The following PPP1R21 variants were observed in gnomAD, a reference collection of about 807,000 sequenced individuals.
The protein encoded by PPP1R21 is KLRAQ motif containing 1.
Under a neutral mutation model 112.8 loss-of-function variants are expected in PPP1R21, and 85 were observed. The ratio of observed to expected loss-of-function variants is 0.75; its 90% CI spans 0.63 to 0.90. PPP1R21 has a LOEUF of 0.90. Ranked by LOEUF, PPP1R21 falls within the 40% of genes least tolerant of loss-of-function variation. The pLI is 0.00. For synonymous variants in PPP1R21, 381 were observed against 322.3 expected, an observed-to-expected ratio of 1.18 and a Z score of -1.95; for missense variants, 1,199 against 901.5, an observed-to-expected ratio of 1.33 and a Z score of -4.23.
chr2:48,509,290 AAC>A (rs1670525744), intron 19 of PPP1R21, among the ~76,000 whole-genome samples: 1 of 152,002 alleles, frequency 6.6e-6, no homozygotes, highest in Admixed American at 6.6e-5. Context: ...AAGGACTTAA[AAC>A]ACAAGAAAAG....
In PPP1R21 at chr2:48,447,445, GCT is replaced by G. The variant is rs529485231; in HGVS notation, c.58-3560_58-3559del. On this transcript the variant is annotated intron_variant, in intron 1 of 21. Transcript: ENST00000294952. ...CTTGGTGCACAGCTGTTGAAAATAAGCTCTATCATCTGCAGGAGAGTTTTTCT... is the reference window on the plus strand; with the variant it reads ...CTTGGTGCACAGCTGTTGAAAATAAGCTATCATCTGCAGGAGAGTTTTTCT... Among the ~76,000 whole-genome samples the G allele has an allele frequency of 8.1e-4, 124 of 152,284 alleles. 1 individual carries two copies. The highest frequency in any genetic ancestry group is 2.9e-3 in the African/African-American group (121 of 41,558).
rs147173098 is a variant in PPP1R21, at chr2:48,509,238, G to C, written c.2086-777G>C. ...AAGTAGCGCATAATCTGTAGGGTAG[G>C]ATGGTAAAGCTTTTATTGCTCCTAT... On this transcript the variant is annotated intron_variant, in intron 19 of 21. Coordinates refer to ENST00000294952, the MANE Select transcript of PPP1R21 (RefSeq NM_001135629.3). Among the ~76,000 whole-genome samples the C allele has an allele frequency of 1.6e-3, 248 of 152,210 alleles. 1 individual carries two copies. Among genetic ancestry groups the C allele is most frequent in the Non-Finnish European group, 2.9e-3 (194 of 68,016 alleles).
At chr2:48,504,307 G>A (rs965908749) in intron 17 of PPP1R21, among the ~76,000 whole-genome samples, 2 of 152,170 alleles carry the variant, frequency 1.3e-5, no homozygotes, top group Non-Finnish European at 2.9e-5. Flanking sequence ...TACTCTCAGT[G>A]TTCAGAACAA....
At chr2:48,510,250 T>A in intron 20 of PPP1R21, 137 bp downstream of exon 20, 1 of 566,470 alleles carries the variant, frequency 1.8e-6, no homozygotes, top group Non-Finnish European at 3.1e-6. Context: ...CTGATTCATT[T>A]AAAAATAACA....
intron 12 of PPP1R21, 129 bp from the exon 13 acceptor site, chr2:48,479,795 G>A (rs1045700606): frequency 2.5e-5 from 17 of 680,422 alleles, no homozygotes; most frequent in South Asian, 3.4e-5. Context: ...TATCTGCCAC[G>A]ATTTTAAGAG....
intron 5 of PPP1R21, 50 bp from the exon 6 acceptor site, chr2:48,460,045 T>C: frequency 6.2e-7 from 1 of 1,608,698 alleles, no homozygotes; most frequent in Non-Finnish European, 8.5e-7. Context: ...AGTGTGCTCC[T>C]ATCTGTCGTA....
At chr2:48,504,234 CTTATCAAAGACTCTTTT>C (rs1355865008) in intron 17 of PPP1R21, among the ~76,000 whole-genome samples, 2 of 152,092 alleles carry the variant, frequency 1.3e-5, no homozygotes, top group African/African-American at 4.8e-5. Context: ...TTTAAAAGTT[CTTATCAAAGACTCTTTT>C]ACAGCCAGGT....
chr2:48,480,036 G>A lies in PPP1R21; in HGVS notation c.1318+20G>A, dbSNP rs555019943. On this transcript the variant is annotated intron_variant, in intron 13 of 21. Coordinates refer to ENST00000294952, the MANE Select transcript of PPP1R21 (RefSeq NM_001135629.3). ...TGAAAGGTAGGCCTTGAAAAAGAAC[G>A]TAAGCTTAAAACCTTTGCCCCACTT... The A allele has an allele frequency of 3.5e-5, 53 of 1,529,780 alleles. No homozygotes were observed. The highest frequency in any genetic ancestry group is 6.8e-5 in the African/African-American group (5 of 73,372). The allele number at this position is 1,529,780 out of a possible 1,614,324, so 94.8% of individuals were successfully genotyped here. A position where few individuals can be genotyped will look rare whatever the true frequency, so the allele number is the denominator to read the frequency against.
chr2:48,464,282 C>T (rs1465409422), intron 7 of PPP1R21, among the ~76,000 whole-genome samples: 1 of 152,084 alleles, frequency 6.6e-6, no homozygotes, highest in Non-Finnish European at 1.5e-5. Context: ...TATTTTGGCA[C>T]TGGGGTCATT....
Position 48,459,926 on chromosome 2 carries a change from C to G in PPP1R21, c.540+8C>G. ...GACAAGGCTAAACTAGAAGTAAGCC[C>G]CATTGTGAGAGCACACTAAAAAATA... On this transcript the variant is annotated splice_region_variant and intron_variant, in intron 5 of 21. Coordinates refer to ENST00000294952, the MANE Select transcript of PPP1R21 (RefSeq NM_001135629.3). The G allele has an allele frequency of 3.1e-6, 5 of 1,611,188 alleles. No homozygotes were observed. The highest frequency in any genetic ancestry group is 1.7e-4 in the Middle Eastern group (1 of 6,042).
At chr2:48,466,766 G>T (rs994477767) in intron 9 of PPP1R21, among the ~76,000 whole-genome samples, 1 of 152,172 alleles carries the variant, frequency 6.6e-6, no homozygotes, top group Non-Finnish European at 1.5e-5. Context: ...AGCATAGGGA[G>T]TGTGGGGGTT....
intron 4 of PPP1R21, 28 bp from the exon 5 acceptor site, chr2:48,459,726 A>G: frequency 6.2e-7 from 1 of 1,602,456 alleles, no homozygotes; most frequent in South Asian, 1.1e-5. Context: ...GGATATTGTG[A>G]GAAGAGAAAA....
At chr2:48,471,953 A>T (rs113027438) in intron 11 of PPP1R21, among the ~76,000 whole-genome samples, 1 of 152,148 alleles carries the variant, frequency 6.6e-6, no homozygotes, top group Non-Finnish European at 1.5e-5. Flanking sequence ...TTTTAAAAAA[A>T]TCAAGGCCGG....
In PPP1R21 at chr2:48,451,016, T is replaced by C. The variant is rs1193911150; in HGVS notation, c.66T>C (p.Ala22=). ...KLAQEYSKLR[A]QNQVLKKGVV... ...GCTTTCTCTGTTTTCAGCTTCGGGC[T>C]CAGAATCAGGTTCTGAAAAAAGGTG... Residue 22 remains alanine, a synonymous_variant, in exon 2 of 22, where the codon GCT becomes GCC. Transcript: ENST00000294952. 2 of 1,613,526 alleles carry C rather than the reference T, an allele frequency of 1.2e-6. No individual in the cohort carries two copies. Among genetic ancestry groups the C allele is most frequent in the South Asian group, 1.1e-5 (1 of 91,076 alleles).
intron 1 of PPP1R21, among the ~76,000 whole-genome samples, chr2:48,444,716 C>T (rs1324106811): frequency 6.6e-6 from 1 of 152,222 alleles, no homozygotes; most frequent in Admixed American, 6.5e-5. Flanking sequence ...CCTATTGAAT[C>T]TGAAACTAGC....
In PPP1R21 at chr2:48,498,686, A is replaced by G; in HGVS notation, c.1886A>G (p.Asp629Gly). 5.0e-6 allele frequency: 8 copies of G among 1,614,220 alleles called. No homozygotes were observed. Among genetic ancestry groups the G allele is most frequent in the Non-Finnish European group, 6.8e-6 (8 of 1,180,028 alleles). ...GCTGTGTCAAATACTGCTGGCCAGG[A>G]TGAAGCCACAGCTAAGGCTGTGTTG... is the stretch of plus-strand genomic sequence containing the variant. ...NAAVSNTAGQDEATAKAVLEP... is the reference protein window; with the variant it reads ...NAAVSNTAGQGEATAKAVLEP... The change falls in exon 17 of 22, where the codon GAT becomes GGT. Residue 629 changes from aspartate to glycine, a missense_variant. By Grantham distance (94) the Asp-to-Gly change is moderately conservative. Coordinates refer to ENST00000294952, the MANE Select transcript of PPP1R21 (RefSeq NM_001135629.3).
chr2:48,459,684 A>G, intron 4 of PPP1R21, 70 bp from the exon 5 acceptor site: 1 of 1,519,292 alleles, frequency 6.6e-7, no homozygotes, highest in Non-Finnish European at 8.9e-7. Context: ...GTGAATAGTC[A>G]CTGCTGTTAT....
chr2:48,463,332 T>C (rs1453623625), intron 7 of PPP1R21, among the ~76,000 whole-genome samples: 1 of 152,148 alleles, frequency 6.6e-6, no homozygotes, highest in African/African-American at 2.4e-5. Flanking sequence ...TGCAGGTCAG[T>C]TCTGCGCATT....
At chr2:48,449,905 A>G (rs992353438) in intron 1 of PPP1R21, among the ~76,000 whole-genome samples, 18 of 152,124 alleles carry the variant, frequency 1.2e-4, no homozygotes, top group African/African-American at 4.1e-4. Flanking sequence ...ATGAGCTTGT[A>G]TATTTATGCT....
Sources: gnomAD v4.1 joint callset for allele counts (sites outside exome capture counted in the v4.1 genomes callset) on GRCh38, gnomAD v4.1.1 for gene constraint, MANE v1.5 for transcripts, NCBI Gene and HGNC (gene_info 2026-07-23, HGNC 2026-07-21) for gene names.